The following KCNMA1 variants were observed in gnomAD, a reference collection of about 807,000 sequenced individuals.
The protein encoded by KCNMA1 is potassium calcium-activated channel subfamily M alpha 1.
A neutral mutation model predicts 140.0 loss-of-function variants in KCNMA1; 29 were observed. That is an observed-to-expected ratio of 0.21 (90% confidence interval 0.15 to 0.28). KCNMA1 has a LOEUF of 0.28. KCNMA1 is among the 10% of genes least tolerant of loss of function. The probability of loss-of-function intolerance (pLI) is 1.00; values close to 1 mark genes in which losing one functional copy is unlikely to be tolerated. For synonymous variants in KCNMA1, 612 were observed against 611.9 expected (o/e 1.00, Z 0.00); for missense variants, 880 against 1,602.2 (o/e 0.55, Z 7.70).
intron 1 of KCNMA1, among the ~76,000 whole-genome samples, chr10:77,624,082 C>T (rs2154570103): frequency 6.6e-6 from 1 of 152,310 alleles, no homozygotes; most frequent in South Asian, 2.1e-4. Flanking sequence ...ACAGAAGCTG[C>T]AGTTATCTTA....
intron 1 of KCNMA1, among the ~76,000 whole-genome samples, chr10:77,516,996 C>CAA (rs77570923): frequency 1.6e-4 from 14 of 86,166 alleles, no homozygotes; most frequent in African/African-American, 3.1e-4. Context: ...GTGTTTTTTA[C>CAA]AAAAAAAAAA....
intron 1 of KCNMA1, among the ~76,000 whole-genome samples, chr10:77,442,383 T>C (rs1201276456): frequency 6.6e-6 from 1 of 151,944 alleles, no homozygotes; most frequent in Non-Finnish European, 1.5e-5. Context: ...GGATGGGCTT[T>C]CTCTACTCCA....
Position 77,358,057 on chromosome 10 carries a change from A to C in KCNMA1, c.540+45805T>G, listed in dbSNP as rs898625199. ...TTTTTCCAGATAAATATTTGAGCCAAAGCACAATATAAGAAAAAGATGCAA... is the reference window on the plus strand; with the variant it reads ...TTTTTCCAGATAAATATTTGAGCCACAGCACAATATAAGAAAAAGATGCAA... On this transcript the variant is annotated intron_variant, in intron 2 of 27. Coordinates refer to ENST00000286628, the MANE Select transcript of KCNMA1 (RefSeq NM_001161352.2). Among the ~76,000 whole-genome samples, 4 of 152,220 alleles carry C rather than the reference A, an allele frequency of 2.6e-5. No individual in the cohort carries two copies. The South Asian group carries it at 6.2e-4, about 24-fold the overall frequency.
chr10:77,487,901 G>A (rs2098479874), intron 1 of KCNMA1, among the ~76,000 whole-genome samples: 1 of 152,080 alleles, frequency 6.6e-6, no homozygotes, highest in Non-Finnish European at 1.5e-5. Context: ...AGGTTGGGCT[G>A]GTACTGTGCG....
intron 1 of KCNMA1, among the ~76,000 whole-genome samples, chr10:77,508,581 CTTTTTT>C (rs761735012): frequency 1.0e-5 from 1 of 99,872 alleles, no homozygotes; most frequent in African/African-American, 4.3e-5. Flanking sequence ...TTTTTCTTTT[CTTTTTT>C]TTTTTTTTTT....
chr10:77,243,791 T>G (rs1811420992), intron 3 of KCNMA1, among the ~76,000 whole-genome samples: 1 of 152,182 alleles, frequency 6.6e-6, no homozygotes, highest in Admixed American at 6.5e-5. Context: ...AGCTGAACTC[T>G]TAACTCTTAC....
intron 2 of KCNMA1, among the ~76,000 whole-genome samples, chr10:77,332,213 G>A (rs151215291): frequency 9.2e-5 from 14 of 152,262 alleles, no homozygotes; most frequent in African/African-American, 2.4e-4. Flanking sequence ...GACCTAAAGC[G>A]TGCACAGGAG....
chr10:77,467,960 T>G (rs958550212), intron 1 of KCNMA1, among the ~76,000 whole-genome samples: 2 of 152,256 alleles, frequency 1.3e-5, no homozygotes, highest in African/African-American at 4.8e-5. Flanking sequence ...AGTATTATCC[T>G]TTGAATAGTA....
At position 77,296,909 on chromosome 10, in the gene KCNMA1, G is replaced by T. The variant is rs937971361; in HGVS notation, c.541-45653C>A. 4.3e-4 allele frequency among the ~76,000 whole-genome samples: 45 copies of T among 105,540 alleles called. 1 individual carries two copies. Among genetic ancestry groups the T allele is most frequent in the African/African-American group, 1.3e-3 (41 of 30,544 alleles). 69.2% of individuals were successfully genotyped at this position (105,540 alleles called of 152,430 possible). A position where few individuals can be genotyped will look rare whatever the true frequency, so the allele number is the denominator to read the frequency against. On this transcript the variant is annotated intron_variant, in intron 2 of 27. Coordinates refer to ENST00000286628, the MANE Select transcript of KCNMA1 (RefSeq NM_001161352.2). Reference sequence around the variant, plus strand: ...ATCTAAGAGGAATGCCTGGGTGTGTGGGCGGGGGGGCGGTGGGGGAATGTA... The same window carrying T: ...ATCTAAGAGGAATGCCTGGGTGTGTTGGCGGGGGGGCGGTGGGGGAATGTA...
intron 24 of KCNMA1, chr10:76,910,330 C>T (rs2049638740): frequency 4.0e-6 from 2 of 500,930 alleles, no homozygotes; most frequent in Non-Finnish European, 7.4e-6. Context: ...AGCAGGCTTG[C>T]TCCACGGCAG....
chr10:77,551,945 G>A (rs1358642804), intron 1 of KCNMA1, among the ~76,000 whole-genome samples: 3 of 152,178 alleles, frequency 2.0e-5, no homozygotes, highest in Non-Finnish European at 4.4e-5. Flanking sequence ...TGGAAGGCCA[G>A]AAGTGACGAG....
intron 1 of KCNMA1, among the ~76,000 whole-genome samples, chr10:77,509,104 GTT>G (rs2047387658): frequency 1.3e-5 from 1 of 78,256 alleles, no homozygotes; most frequent in African/African-American, 6.5e-5. Flanking sequence ...GTTGGGTTTT[GTT>G]GTTGTTGTTG....
At chr10:77,235,349 G>C (rs942267862) in intron 3 of KCNMA1, among the ~76,000 whole-genome samples, 12 of 152,172 alleles carry the variant, frequency 7.9e-5, no homozygotes, top group African/African-American at 2.9e-4. Context: ...ACCTCATCAA[G>C]TTTTACAGAA....
chr10:77,531,833 C>G (rs1447611979), intron 1 of KCNMA1, among the ~76,000 whole-genome samples: 1 of 152,230 alleles, frequency 6.6e-6, no homozygotes, highest in African/African-American at 2.4e-5. Flanking sequence ...CAACAAGGGA[C>G]TTGCCCACGG....
chr10:77,460,871 C>T (rs756074863), intron 1 of KCNMA1, among the ~76,000 whole-genome samples: 6 of 152,022 alleles, frequency 3.9e-5, no homozygotes, highest in East Asian at 1.9e-4. Context: ...TCTGGGAGGC[C>T]GAGGTGGGCG....
intron 2 of KCNMA1, among the ~76,000 whole-genome samples, chr10:77,274,888 G>C (rs900770978): frequency 2.6e-5 from 4 of 152,182 alleles, no homozygotes; most frequent in African/African-American, 7.2e-5. Context: ...GAGTTTTGTG[G>C]GGAGAGAAAC....
At chr10:77,365,925 A>G (rs1603425947) in intron 2 of KCNMA1, among the ~76,000 whole-genome samples, 1 of 152,158 alleles carries the variant, frequency 6.6e-6, no homozygotes, top group Non-Finnish European at 1.5e-5. Context: ...AGATGGGCAG[A>G]AGAATTCCAG....
intron 2 of KCNMA1, among the ~76,000 whole-genome samples, chr10:77,256,427 G>T (rs373140969): frequency 6.6e-6 from 1 of 152,128 alleles, no homozygotes; most frequent in Admixed American, 6.5e-5. Flanking sequence ...GGAAGTCTGG[G>T]CACCTCTTTT....
At chr10:77,452,672 T>G (rs1225395725) in intron 1 of KCNMA1, among the ~76,000 whole-genome samples, 2 of 152,188 alleles carry the variant, frequency 1.3e-5, no homozygotes, top group Non-Finnish European at 2.9e-5. Context: ...ACCACAGCTG[T>G]AAGTTGGGGA....
Sources: gnomAD v4.1 joint callset for allele counts (sites outside exome capture counted in the v4.1 genomes callset) on GRCh38, gnomAD v4.1.1 for gene constraint, MANE v1.5 for transcripts, NCBI Gene and HGNC (gene_info 2026-07-23, HGNC 2026-07-21) for gene names.